WWOX: variants seen among roughly 807,000 people sequenced by gnomAD.
WWOX encodes WW domain containing oxidoreductase.
A neutral mutation model predicts 46.2 loss-of-function variants in WWOX; 69 were observed. The ratio of observed to expected loss-of-function variants is 1.49; its 90% CI spans 1.23 to 1.82. The LOEUF (loss-of-function observed/expected upper bound fraction) is 1.82. Ranked by LOEUF, WWOX falls within the 40% of genes most tolerant of loss-of-function variation. The pLI, the probability that WWOX is intolerant of heterozygous loss-of-function variation, is 0.00. For missense variants in WWOX, 919 were observed against 542.6 expected (o/e 1.69, Z -6.89); for synonymous variants, 359 against 202.6 (o/e 1.77, Z -6.56).
intron 5 of WWOX, among the ~76,000 whole-genome samples, chr16:78,196,566 G>A (rs1169575168): frequency 2.6e-5 from 4 of 152,140 alleles, no homozygotes; most frequent in Non-Finnish European, 5.9e-5. Flanking sequence ...ATTTACAGTC[G>A]TGTGGAAATT....
chr16:78,630,593 C>T (rs116640660), intron 8 of WWOX, among the ~76,000 whole-genome samples: 1 of 152,180 alleles, frequency 6.6e-6, no homozygotes, highest in Non-Finnish European at 1.5e-5. Flanking sequence ...TGTGACCCCA[C>T]TGGAAGAGGA....
chr16:78,470,416 C>T (rs976315954), intron 8 of WWOX, among the ~76,000 whole-genome samples: 3 of 152,262 alleles, frequency 2.0e-5, no homozygotes, highest in East Asian at 3.9e-4. Context: ...TTGTTTTTGA[C>T]TTTGGAGATA....
At chr16:79,187,414 T>C (rs561249971) in intron 8 of WWOX, among the ~76,000 whole-genome samples, 1 of 152,196 alleles carries the variant, frequency 6.6e-6, no homozygotes, top group African/African-American at 2.4e-5. Context: ...TTCTGTTGTG[T>C]TTTTGAGACA....
intron 8 of WWOX, among the ~76,000 whole-genome samples, chr16:78,656,948 G>C (rs1475420910): frequency 6.6e-6 from 1 of 152,172 alleles, no homozygotes; most frequent in East Asian, 1.9e-4. Flanking sequence ...CATGGCGTCT[G>C]GTCCATGCTC....
chr16:78,440,638 A>T (rs2083423941), intron 8 of WWOX, among the ~76,000 whole-genome samples: 2 of 141,580 alleles, frequency 1.4e-5, no homozygotes, highest in South Asian at 4.8e-4. Flanking sequence ...TTTTTTTGAG[A>T]CGGAGTGTCT....
chr16:78,353,921 T>C (rs1256338827), intron 5 of WWOX, among the ~76,000 whole-genome samples: 1 of 152,242 alleles, frequency 6.6e-6, no homozygotes, highest in Non-Finnish European at 1.5e-5. Flanking sequence ...TTCTGTTCTC[T>C]TTATTTCCTT....
chr16:79,174,387 G>A (rs1051183669), intron 8 of WWOX, among the ~76,000 whole-genome samples: 3 of 152,180 alleles, frequency 2.0e-5, no homozygotes, highest in Non-Finnish European at 2.9e-5. Flanking sequence ...GGTGGCTCAC[G>A]CCTGTAATCC....
At chr16:78,479,926 G>T (rs1320406431) in intron 8 of WWOX, among the ~76,000 whole-genome samples, 1 of 152,186 alleles carries the variant, frequency 6.6e-6, no homozygotes, top group Non-Finnish European at 1.5e-5. Context: ...AATGACAATG[G>T]AGCATCTAAG....
intron 5 of WWOX, among the ~76,000 whole-genome samples, chr16:78,176,204 C>CGA (rs1160260808): frequency 6.6e-6 from 1 of 152,202 alleles, no homozygotes; most frequent in African/African-American, 2.4e-5. Flanking sequence ...AGCTAAAACT[C>CGA]ACGTCTCTCA....
At chr16:78,782,277 C>T (rs1457810558) in intron 8 of WWOX, among the ~76,000 whole-genome samples, 1 of 152,166 alleles carries the variant, frequency 6.6e-6, no homozygotes, top group Non-Finnish European at 1.5e-5. Flanking sequence ...GCTGTCTTTA[C>T]CTTCAGCTGC....
chr16:78,385,555 C>T (rs1489691409), intron 5 of WWOX, among the ~76,000 whole-genome samples: 1 of 152,064 alleles, frequency 6.6e-6, no homozygotes, highest in African/African-American at 2.4e-5. Flanking sequence ...GTTTACTGCT[C>T]AAAGCTTAGG....
At chr16:78,634,903 G>C (rs1408564417) in intron 8 of WWOX, among the ~76,000 whole-genome samples, 1 of 149,820 alleles carries the variant, frequency 6.7e-6, no homozygotes, top group Admixed American at 6.7e-5. Context: ...CTGGTGTTTA[G>C]GTGGGCTTGA....
chr16:78,284,571 C>T (rs567439615), intron 5 of WWOX, among the ~76,000 whole-genome samples: 28 of 152,302 alleles, frequency 1.8e-4, no homozygotes, highest in Non-Finnish European at 2.9e-4. Context: ...TTCTTGGACA[C>T]AGTCTCATCT....
At chr16:79,018,874 G>C (rs1194496943) in intron 8 of WWOX, among the ~76,000 whole-genome samples, 1 of 152,058 alleles carries the variant, frequency 6.6e-6, no homozygotes, top group Non-Finnish European at 1.5e-5. Flanking sequence ...GTTAGGGCTG[G>C]GCGTGGTGGC....
At chr16:79,047,199 G>C (rs528787902) in intron 8 of WWOX, among the ~76,000 whole-genome samples, 2 of 152,164 alleles carry the variant, frequency 1.3e-5, no homozygotes, top group South Asian at 4.1e-4. Context: ...AAGGCATTGA[G>C]GGTGGGGAGG....
At chr16:78,756,599 T>C (rs927581848) in intron 8 of WWOX, among the ~76,000 whole-genome samples, 1 of 152,216 alleles carries the variant, frequency 6.6e-6, no homozygotes, top group African/African-American at 2.4e-5. Flanking sequence ...GAGAGTTTCA[T>C]TGGTTACTGA....
At chr16:78,524,722 A>T (rs2043422185) in intron 8 of WWOX, among the ~76,000 whole-genome samples, 1 of 151,372 alleles carries the variant, frequency 6.6e-6, no homozygotes, top group East Asian at 1.9e-4. Flanking sequence ...CCCAGCCTGT[A>T]TTTATCTTTT....
At chr16:78,211,541 C>T (rs531054154) in intron 5 of WWOX, among the ~76,000 whole-genome samples, 1 of 152,148 alleles carries the variant, frequency 6.6e-6, no homozygotes, top group Admixed American at 6.5e-5. Flanking sequence ...CAGACCTTGG[C>T]AGTTGCTGTT....
chr16:79,071,383 G>A lies in WWOX; in HGVS notation c.1057-140225G>A, dbSNP rs575906164. 3.9e-5 allele frequency among the ~76,000 whole-genome samples: 6 copies of A among 152,350 alleles called. No homozygotes were observed. The East Asian group carries it at 1.2e-3, about 29-fold the overall frequency. On this transcript the variant is annotated intron_variant, in intron 8 of 8. Transcript: ENST00000566780. The stretch of plus-strand genomic sequence containing the variant: ...AAAAGCTTTTCAACCATTTGAGAGG[G>A]TGTGAAATACAGAAGGGGTTGTGCG...
Sources: allele counts gnomAD v4.1 joint callset (sites outside exome capture counted in the v4.1 genomes callset), GRCh38; gene constraint gnomAD v4.1.1; transcripts MANE v1.5; gene names NCBI Gene and HGNC (gene_info 2026-07-23, HGNC 2026-07-21).